PLCB2: variants seen among roughly 807,000 people sequenced by gnomAD.
The protein encoded by PLCB2 is 1-phosphatidylinositol 4,5-bisphosphate phosphodiesterase beta-2.
A neutral mutation model predicts 141.7 loss-of-function variants in PLCB2; 115 were observed. The observed-to-expected ratio is 0.81, with a 90% CI of 0.70 to 0.95. The LOEUF (loss-of-function observed/expected upper bound fraction) is 0.95, where lower values mean the gene tolerates loss of function less well. Ranked by LOEUF, PLCB2 falls within the 40% of genes least tolerant of loss-of-function variation. The pLI is 0.00. For synonymous variants in PLCB2, 603 were observed against 595.6 expected (o/e 1.01, Z -0.18); for missense variants, 1,403 against 1,541.1 (o/e 0.91, Z 1.50).
rs1329817336 is a variant in PLCB2, at chr15:40,293,021, AAGATCTGGGGAG to A, written c.2227-8_2230del. Reference sequence around the variant, plus strand: ...TCTGAGGGAGGCCAGCTCAGGCATCAAGATCTGGGGAGAGTTGGGGACATGACAGGCTGGGAG... The same window carrying A: ...TCTGAGGGAGGCCAGCTCAGGCATCAAGTTGGGGACATGACAGGCTGGGAG... On this transcript the variant is annotated splice_acceptor_variant and splice_polypyrimidine_tract_variant and coding_sequence_variant and intron_variant, in exon 21 of 32. Transcript: ENST00000260402. LOFTEE classifies it high-confidence loss of function. 6.3e-7 allele frequency: 1 copy of A among 1,594,796 alleles called. No homozygotes were observed. The highest frequency in any genetic ancestry group is 1.3e-5 in the African/African-American group (1 of 74,110).
intron 7 of PLCB2, chr15:40,301,635 A>C: frequency 4.3e-6 from 3 of 702,894 alleles, no homozygotes; most frequent in African/African-American, 1.7e-5. Context: ...CTCAGCTCCC[A>C]TTCCCAACAC....
At chr15:40,290,359 C>A (rs2039821285) in intron 29 of PLCB2, among the ~76,000 whole-genome samples, 1 of 152,252 alleles carries the variant, frequency 6.6e-6, no homozygotes, top group Non-Finnish European at 1.5e-5. Context: ...TCCCTCCCTG[C>A]AGGCTTGGCT....
chr15:40,291,045 C>G lies in PLCB2; in HGVS notation c.3009G>C (p.Leu1003=), dbSNP rs1276431764. The change falls in exon 27 of 32, where the codon CTG becomes CTC. Residue 1003 remains leucine (L), a synonymous_variant. Coordinates refer to ENST00000260402, the MANE Select transcript of PLCB2 (RefSeq NM_004573.3). ...CGGCCACGTGCTGCTCCTTGCGCTT[C>G]AGAACGCACTCGTACTGCTCCTCGC... ...RQGEEQYECV[L]KRKEQHVAEQ... is the part of the protein sequence containing the mutation. The G allele has an allele frequency of 4.4e-6, 7 of 1,594,194 alleles. No homozygotes were observed. Among genetic ancestry groups the G allele is most frequent in the South Asian group, 3.3e-5 (3 of 90,270 alleles).
rs1339728024 is a variant in PLCB2, at chr15:40,292,420, T to A, written c.2350A>T (p.Ser784Cys). ...NSGYHHLCLH[S>C]ESNMPLTMPA... ...ATGGTGAGGGGCATGTTGCTCTCAC[T>A]GTGCAGGCACAGGTGGTGGTACCCT... Residue 784 changes from serine (S) to cysteine (C), a missense_variant, in exon 22 of 32, where the codon AGT becomes TGT. Coordinates refer to ENST00000260402, the MANE Select transcript of PLCB2 (RefSeq NM_004573.3). 1 of 1,613,606 alleles carries A rather than the reference T, an allele frequency of 6.2e-7. No individual in the cohort carries two copies. Among genetic ancestry groups the A allele is most frequent in the Admixed American group, 1.7e-5 (1 of 60,014 alleles).
chr15:40,304,886 G>A (rs2040714809), intron 1 of PLCB2, among the ~76,000 whole-genome samples: 1 of 152,180 alleles, frequency 6.6e-6, no homozygotes, highest in Non-Finnish European at 1.5e-5. Context: ...CTTTGTATGT[G>A]TACATAACAA....
In PLCB2 at chr15:40,291,837, C is replaced by G. The variant is rs1467945264; in HGVS notation, c.2602+12G>C. 1 of 1,614,070 alleles carries G rather than the reference C, an allele frequency of 6.2e-7. No individual in the cohort carries two copies. Among genetic ancestry groups the G allele is most frequent in the Admixed American group, 1.7e-5 (1 of 60,016 alleles). On this transcript the variant is annotated intron_variant, in intron 24 of 31. Coordinates refer to ENST00000260402, the MANE Select transcript of PLCB2 (RefSeq NM_004573.3). ...AGGTGCCCCCAGTAGGTGTGCGGAC[C>G]GAAGCTCATACCTGGTGACCCATTG...
chr15:40,307,531 T>C, intron 1 of PLCB2, 58 bp downstream of exon 1: 1 of 1,124,170 alleles, frequency 8.9e-7, no homozygotes, highest in Non-Finnish European at 1.3e-6. Context: ...CAAAGCCCCG[T>C]AGCAGCCCGG....
At chr15:40,287,285 G>A (rs2039626698), downstream of PLCB2, among the ~76,000 whole-genome samples, 1 of 152,186 alleles carries the variant, frequency 6.6e-6, no homozygotes, top group South Asian at 2.1e-4. Flanking sequence ...AGAGGGATGG[G>A]ATGGCAGGGT....
chr15:40,297,510 A>C lies in PLCB2; in HGVS notation c.1323+11T>G, dbSNP rs541949900. On this transcript the variant is annotated intron_variant, in intron 13 of 31. Transcript: ENST00000260402. The surrounding 1 kb of genome is among the most constrained non-coding windows in gnomAD (Gnocchi z 4.2). ...CCAAGGCTCAAATGTCCCACAGCGA[A>C]GCCCACTCACTGGGAACTTTTCCAG... 5.0e-6 allele frequency: 8 copies of C among 1,606,104 alleles called. No individual in the cohort carries two copies. The East Asian group carries it at 1.6e-4, about 31-fold the overall frequency.
chr15:40,293,815 C>T, intron 19 of PLCB2, 91 bp from the exon 20 acceptor site: 1 of 1,331,462 alleles, frequency 7.5e-7, no homozygotes, highest in African/African-American at 1.5e-5. Context: ...AGAGCTGAAG[C>T]ATTCGTTCTT....
intron 7 of PLCB2, 147 bp downstream of exon 7, chr15:40,301,810 C>T: frequency 1.4e-6 from 1 of 734,780 alleles, no homozygotes; most frequent in East Asian, 2.7e-5. Flanking sequence ...GTGTCAGTAA[C>T]CAGCAGCTCC....
Position 40,290,804 on chromosome 15 carries a change from T to A in PLCB2, c.3070A>T (p.Lys1024Ter). The part of the protein sequence containing the change: ...ISKMMELARE[K>*]QAAELKALKE... ...AGGGCCTTCAGCTCTGCCGCCTGTT[T>A]CTCTCTGGCCAGCTCCATCATTTTG... The change falls in exon 28 of 32, where the codon AAA (lysine) becomes TAA (stop). Residue 1024 changes from lysine to a stop codon, truncating the protein, a stop_gained. Transcript: ENST00000260402. LOFTEE classifies it high-confidence loss of function. The A allele has an allele frequency of 6.2e-7, 1 of 1,613,532 alleles. No individual in the cohort carries two copies. Among genetic ancestry groups the A allele is most frequent in the Non-Finnish European group, 8.5e-7 (1 of 1,179,924 alleles).
chr15:40,287,649 A>G (rs1406062634), downstream of PLCB2, among the ~76,000 whole-genome samples: 1 of 152,138 alleles, frequency 6.6e-6, no homozygotes. Context: ...AGTGGAGACA[A>G]TGAAGGGCCA....
At chr15:40,286,189 A>G (rs2039607521), downstream of PLCB2, 1 of 256,832 alleles carries the variant, frequency 3.9e-6, no homozygotes, top group Non-Finnish European at 6.1e-6. Flanking sequence ...GGCTGACAGG[A>G]GATGGAGCCC....
Position 40,297,534 on chromosome 15 carries a change from A to C in PLCB2, c.1310T>G (p.Leu437Arg), listed in dbSNP as rs754706611. 1 of 1,613,690 alleles carries C rather than the reference A, an allele frequency of 6.2e-7. No homozygotes were observed. Among genetic ancestry groups the C allele is most frequent in the Admixed American group, 1.7e-5 (1 of 60,026 alleles). The change falls in exon 13 of 32, where the codon CTG (leucine) becomes CGG (arginine). Residue 437 changes from leucine to arginine, a missense_variant. Transcript: ENST00000260402. The surrounding 1 kb of genome is among the most constrained non-coding windows in gnomAD (Gnocchi z 4.2). ...IFGDMLLTEP[L>R]EKFPLKPGVP... The stretch of plus-strand genomic sequence containing the variant: ...AAGCCCACTCACTGGGAACTTTTCC[A>C]GGGGCTCTGTGAGCAGCATATCCCC...
At chr15:40,303,941 G>T in intron 2 of PLCB2, 60 bp downstream of exon 2, 2 of 1,194,832 alleles carry the variant, frequency 1.7e-6, no homozygotes, top group Non-Finnish European at 1.2e-6. Context: ...CAGCCAGGGG[G>T]CTGTCTGGCC....
intron 19 of PLCB2, 38 bp from the exon 20 acceptor site, chr15:40,293,762 C>A (rs1383093557): frequency 1.3e-6 from 2 of 1,594,976 alleles, no homozygotes; most frequent in Non-Finnish European, 1.7e-6. Flanking sequence ...CATCAAATCC[C>A]CACCCAGGCT....
intron 20 of PLCB2, among the ~76,000 whole-genome samples, 174 bp downstream of exon 20, chr15:40,293,386 C>A (rs1386933756): frequency 6.6e-6 from 1 of 152,168 alleles, no homozygotes. Flanking sequence ...ACTCTGCCTA[C>A]CAAGTAAACT....
chr15:40,284,755 G>T (rs1814567), downstream of PLCB2, among the ~76,000 whole-genome samples: 2 of 146,356 alleles, frequency 1.4e-5, no homozygotes, highest in Non-Finnish European at 3.0e-5. Context: ...CAGGAGAATT[G>T]CTTGAACCTG....
Sources: allele counts gnomAD v4.1 joint callset (sites outside exome capture counted in the v4.1 genomes callset), GRCh38; gene constraint gnomAD v4.1.1; non-coding constraint Gnocchi (gnomAD v3.1); transcripts MANE v1.5; gene names NCBI Gene and HGNC (gene_info 2026-07-23, HGNC 2026-07-21).